The following SGCD variants were observed in gnomAD, a reference collection of about 807,000 sequenced individuals.
SGCD encodes sarcoglycan delta.
A neutral mutation model predicts 36.6 loss-of-function variants in SGCD; 18 were observed. That is an observed-to-expected ratio of 0.49 (90% confidence interval 0.34 to 0.73). SGCD has a LOEUF of 0.73. Ranked by LOEUF, SGCD falls within the 30% of genes least tolerant of loss-of-function variation. SGCD has a pLI of 0.01. For missense variants in SGCD, 387 were observed against 346.7 expected (o/e 1.12, Z -0.92); for synonymous variants, 133 against 130.6 (o/e 1.02, Z -0.12).
chr5:156,158,563 G>A (rs1325605962), intron 3 of SGCD, among the ~76,000 whole-genome samples: 2 of 151,418 alleles, frequency 1.3e-5, no homozygotes, highest in African/African-American at 4.9e-5. Context: ...CTTCTCTCCA[G>A]TCTGTTCATG....
chr5:156,653,493 C>CTTTTTTGTTTTTTTTTTTTTTTTTT (rs1763546153), intron 7 of SGCD, among the ~76,000 whole-genome samples: 3 of 48,078 alleles, frequency 6.2e-5, no homozygotes, highest in Non-Finnish European at 8.0e-5. Flanking sequence ...CTAAAGCTTG[C>CTTTTTTGTTTTTTTTTTTTTTTTTT]TTTTTTTTTT....
chr5:156,627,982 T>G (rs1762495948), intron 6 of SGCD, among the ~76,000 whole-genome samples: 1 of 152,110 alleles, frequency 6.6e-6, no homozygotes, highest in African/African-American at 2.4e-5. Context: ...GGAAAAAGGT[T>G]TAATTGGCTC....
At chr5:156,487,677 A>C (rs1427476229) in intron 3 of SGCD, among the ~76,000 whole-genome samples, 2 of 150,050 alleles carry the variant, frequency 1.3e-5, no homozygotes, top group African/African-American at 2.4e-5. Context: ...AATCCCAGCT[A>C]TTCAGGAGGC....
intron 7 of SGCD, among the ~76,000 whole-genome samples, chr5:156,731,547 T>C (rs1251109402): frequency 1.3e-5 from 2 of 151,818 alleles, no homozygotes; most frequent in African/African-American, 4.8e-5. Context: ...CAGATAGTTG[T>C]AGGTGTGTGG....
intron 4 of SGCD, among the ~76,000 whole-genome samples, chr5:156,514,475 G>C (rs1408982516): frequency 6.6e-6 from 1 of 152,178 alleles, no homozygotes; most frequent in African/African-American, 2.4e-5. Flanking sequence ...AGGGTAGAAA[G>C]AAAACTTGAA....
the SGCD span, among the ~76,000 whole-genome samples, chr5:155,790,770 A>G: frequency 6.6e-6 from 1 of 152,122 alleles, no homozygotes; most frequent in Non-Finnish European, 1.5e-5. Context: ...AGCCTGTGAC[A>G]TACATACTCA....
chr5:156,588,048 G>T (rs1760566493), intron 4 of SGCD, among the ~76,000 whole-genome samples: 1 of 151,744 alleles, frequency 6.6e-6, no homozygotes, highest in Non-Finnish European at 1.5e-5. Context: ...ATACCAGATA[G>T]TGACAAAGGT....
At chr5:156,163,460 A>G (rs1486023919) in intron 3 of SGCD, among the ~76,000 whole-genome samples, 1 of 151,656 alleles carries the variant, frequency 6.6e-6, no homozygotes, top group Non-Finnish European at 1.5e-5. Flanking sequence ...TAATTTCCTC[A>G]TAGAGGGAGG....
intron 3 of SGCD, among the ~76,000 whole-genome samples, chr5:156,373,242 C>T (rs1464646061): frequency 6.6e-6 from 1 of 152,204 alleles, no homozygotes; most frequent in Non-Finnish European, 1.5e-5. Context: ...AATCCAATTA[C>T]ATTTTCGACT....
intron 1 of SGCD, among the ~76,000 whole-genome samples, chr5:156,070,458 G>A (rs1452334943): frequency 6.6e-6 from 1 of 150,470 alleles, no homozygotes; most frequent in African/African-American, 2.5e-5. Context: ...TATTGAACCA[G>A]ACTTGCATCC....
chr5:155,840,525 G>A, the SGCD span, among the ~76,000 whole-genome samples: 3 of 150,354 alleles, frequency 2.0e-5, no homozygotes, highest in East Asian at 2.0e-4. Flanking sequence ...TCCTGACCTC[G>A]TGATCTGCCT....
intron 1 of SGCD, among the ~76,000 whole-genome samples, chr5:155,884,572 C>A (rs1755963771): frequency 6.6e-6 from 1 of 152,188 alleles, no homozygotes; most frequent in South Asian, 2.1e-4. Flanking sequence ...TCCTCTGAGA[C>A]CTATCAAGAA....
intron 3 of SGCD, among the ~76,000 whole-genome samples, chr5:156,371,549 G>C (rs1433671790): frequency 6.6e-6 from 1 of 152,194 alleles, no homozygotes; most frequent in Non-Finnish European, 1.5e-5. Flanking sequence ...CCGAGTGTCA[G>C]AAATGTGCCA....
chr5:156,015,125 C>T (rs1051292809), intron 1 of SGCD, among the ~76,000 whole-genome samples: 2 of 152,222 alleles, frequency 1.3e-5, no homozygotes, highest in African/African-American at 4.8e-5. Context: ...AATCTACCTT[C>T]ACTTGGTTGC....
At chr5:155,739,220 G>A in the SGCD span, among the ~76,000 whole-genome samples, 1 of 152,198 alleles carries the variant, frequency 6.6e-6, no homozygotes, top group Non-Finnish European at 1.5e-5. Context: ...CCCAGAACAG[G>A]TTGAGAATGA....
rs568405906 is a variant in SGCD at position 156,677,246 on chromosome 5, C to G, written c.575+29710C>G. 1.4e-3 allele frequency among the ~76,000 whole-genome samples: 213 copies of G among 152,244 alleles called. 1 individual carries two copies. The highest frequency in any genetic ancestry group is 3.4e-3 in the Middle Eastern group (1 of 294). ...TTTATTGCGGCACTATTCACAATAG[C>G]AAAGACTTAGAACCAACCCAAAGGT... On this transcript the variant is annotated intron_variant, in intron 7 of 8. Coordinates refer to ENST00000337851, the MANE Select transcript of SGCD (RefSeq NM_000337.6).
intron 3 of SGCD, among the ~76,000 whole-genome samples, chr5:156,212,328 AC>A (rs1346736087): frequency 6.6e-6 from 1 of 152,210 alleles, no homozygotes; most frequent in Non-Finnish European, 1.5e-5. Flanking sequence ...GCAAATGGCA[AC>A]CAAAAGAGAG....
intron 1 of SGCD, among the ~76,000 whole-genome samples, chr5:156,094,864 G>C: frequency 6.6e-6 from 1 of 152,162 alleles, no homozygotes; most frequent in Admixed American, 6.5e-5. Context: ...AGCTGGGCGT[G>C]GTGGCACATG....
chr5:156,374,027 A>C (rs1770527680), intron 3 of SGCD, among the ~76,000 whole-genome samples: 1 of 152,164 alleles, frequency 6.6e-6, no homozygotes, highest in Admixed American at 6.5e-5. Flanking sequence ...AGTGGAGTCA[A>C]CGGACATTTT....
Sources: allele counts gnomAD v4.1 joint callset (sites outside exome capture counted in the v4.1 genomes callset), GRCh38; gene constraint gnomAD v4.1.1; transcripts MANE v1.5; gene names NCBI Gene and HGNC (gene_info 2026-07-23, HGNC 2026-07-21).